The following PTGFRN variants were observed in gnomAD, a reference collection of about 807,000 sequenced individuals.
PTGFRN encodes prostaglandin F2 receptor negative regulator.
Under a neutral mutation model 83.2 loss-of-function variants are expected in PTGFRN, and 35 were observed. That is an observed-to-expected ratio of 0.42 (90% CI 0.32 to 0.56). The LOEUF (loss-of-function observed/expected upper bound fraction) is 0.56. Ranked by LOEUF, PTGFRN falls within the 20% of genes least tolerant of loss-of-function variation. The pLI is 0.11. For synonymous variants in PTGFRN, 519 were observed against 498.6 expected, an observed-to-expected ratio of 1.04 and a Z score of -0.55; for missense variants, 1,051 against 1,179.5, an observed-to-expected ratio of 0.89 and a Z score of 1.60.
intron 5 of PTGFRN, among the ~76,000 whole-genome samples, chr1:116,962,060 C>T (rs1342581791): frequency 6.6e-6 from 1 of 152,188 alleles, no homozygotes; most frequent in Non-Finnish European, 1.5e-5. Flanking sequence ...TCCCACACTT[C>T]TCATAACTGG....
At chr1:116,933,494 A>G (rs1033416055) in intron 1 of PTGFRN, among the ~76,000 whole-genome samples, 3 of 152,302 alleles carry the variant, frequency 2.0e-5, no homozygotes, top group African/African-American at 2.4e-5. Flanking sequence ...TTTATAGTCA[A>G]TATTCAGTAG....
At chr1:116,976,734 G>T (rs550492433) in intron 7 of PTGFRN, among the ~76,000 whole-genome samples, 1 of 152,254 alleles carries the variant, frequency 6.6e-6, no homozygotes, top group East Asian at 1.9e-4. Flanking sequence ...CACTAAACAT[G>T]GAAAGGATCA....
At chr1:116,940,424 CGTATT>C (rs936592240) in intron 1 of PTGFRN, among the ~76,000 whole-genome samples, 5 of 152,142 alleles carry the variant, frequency 3.3e-5, no homozygotes, top group African/African-American at 7.2e-5. Flanking sequence ...AGGATACAGT[CGTATT>C]GGATTAGGGG....
In PTGFRN at chr1:116,987,092, T is replaced by C. The variant is rs1233759306; in HGVS notation, c.*125T>C. 8.7e-7 allele frequency: 1 copy of C among 1,144,224 alleles called. No homozygotes were observed. Among genetic ancestry groups the C allele is most frequent in the East Asian group, 2.4e-5 (1 of 41,036 alleles). 70.9% of individuals were successfully genotyped at this position (1,144,224 alleles called of 1,614,324 possible). A position where few individuals can be genotyped will look rare whatever the true frequency, so the allele number is the denominator to read the frequency against. On this transcript the variant is annotated 3_prime_UTR_variant, in exon 9 of 9. Coordinates refer to ENST00000393203, the MANE Select transcript of PTGFRN (RefSeq NM_020440.4). ...AGTCCTCTCTAATCTCAGGTGGGAC[T>C]TGGCGCTCTCTCTTTTCTGCATGTC...
At chr1:116,943,579 C>G (rs1026444885) in intron 2 of PTGFRN, among the ~76,000 whole-genome samples, 1 of 152,162 alleles carries the variant, frequency 6.6e-6, no homozygotes, top group Non-Finnish European at 1.5e-5. Flanking sequence ...CATGTGTGGT[C>G]CAGGATCTGC....
chr1:116,970,481 A>C (rs1557747307), intron 6 of PTGFRN, among the ~76,000 whole-genome samples: 1 of 151,624 alleles, frequency 6.6e-6, no homozygotes, highest in African/African-American at 2.4e-5. Context: ...TTGTTATTTG[A>C]TCTTTCTTTT....
In PTGFRN at chr1:116,949,393, A is replaced by G. The variant is rs1406662309; in HGVS notation, c.1034A>G (p.His345Arg). ...GATTCCCTGGTGCACAGCTCGCCTC[A>G]TGTTGCTTTGAGTCATGTGGATGCA... ...DRDSLVHSSP[H>R]VALSHVDARS... is the part of the protein sequence containing the mutation. The change falls in exon 4 of 9, where the codon CAT (histidine) becomes CGT (arginine). Residue 345 changes from histidine to arginine, a missense_variant. His to Arg is a conservative substitution (Grantham distance 29). Coordinates refer to ENST00000393203, the MANE Select transcript of PTGFRN (RefSeq NM_020440.4). 3.7e-6 allele frequency: 6 copies of G among 1,614,244 alleles called. No homozygotes were observed. The highest frequency in any genetic ancestry group is 1.1e-5 in the South Asian group (1 of 91,082).
intron 1 of PTGFRN, among the ~76,000 whole-genome samples, chr1:116,915,301 G>C (rs1649377787): frequency 6.6e-6 from 1 of 152,238 alleles, no homozygotes; most frequent in Non-Finnish European, 1.5e-5. Context: ...GCACCTCAGA[G>C]GTGTGGCATC....
chr1:116,987,013 G>A lies in PTGFRN; in HGVS notation c.*46G>A. 2 of 1,606,590 alleles carry A rather than the reference G, an allele frequency of 1.2e-6. No individual in the cohort carries two copies. The highest frequency in any genetic ancestry group is 1.7e-6 in the Non-Finnish European group (2 of 1,174,854). On this transcript the variant is annotated 3_prime_UTR_variant, in exon 9 of 9. Coordinates refer to ENST00000393203, the MANE Select transcript of PTGFRN (RefSeq NM_020440.4). ...ACAGAGGGACGTTCTAGGAGCAATT[G>A]GGGCAAGAAGAGGACAGTGATATTT...
At chr1:116,970,518 A>G (rs1310301486) in intron 6 of PTGFRN, among the ~76,000 whole-genome samples, 2 of 152,198 alleles carry the variant, frequency 1.3e-5, no homozygotes, top group Non-Finnish European at 2.9e-5. Context: ...AAGGGGAGAC[A>G]CAGAGTATTT....
rs778363124 is a variant in PTGFRN, at chr1:116,967,266, C to T, written c.1995C>T (p.Gly665=). The part of the protein sequence containing the change: ...CMVTAWSPVR[G]SLWREAATSL... The stretch of plus-strand genomic sequence containing the variant: ...TGACAGCCTGGTCTCCTGTCAGGGG[C>T]AGCCTTTGGCGAGAAGCAGCAACCA... The change falls in exon 6 of 9, where the codon GGC becomes GGT. Residue 665 remains glycine (G), a synonymous_variant. Coordinates refer to ENST00000393203, the MANE Select transcript of PTGFRN (RefSeq NM_020440.4). 7 of 1,614,110 alleles carry T rather than the reference C, an allele frequency of 4.3e-6. No homozygotes were observed.
At chr1:116,955,879 TAG>T (rs1348133485) in intron 4 of PTGFRN, among the ~76,000 whole-genome samples, 1 of 152,072 alleles carries the variant, frequency 6.6e-6, no homozygotes, top group East Asian at 1.9e-4. Context: ...ATAAAACCCT[TAG>T]AGAGCAGGGA....
chr1:116,953,168 TC>T (rs1272889895), intron 4 of PTGFRN, among the ~76,000 whole-genome samples: 4 of 152,220 alleles, frequency 2.6e-5, no homozygotes, highest in African/African-American at 9.6e-5. Flanking sequence ...GTTCTGCTGT[TC>T]AGTCTTAAGA....
chr1:116,920,601 C>T (rs1297407451), intron 1 of PTGFRN, among the ~76,000 whole-genome samples: 1 of 152,164 alleles, frequency 6.6e-6, no homozygotes, highest in Non-Finnish European at 1.5e-5. Context: ...CTTTTACACC[C>T]TTCCTGAAGG....
chr1:116,924,769 C>A (rs1053377527), intron 1 of PTGFRN, among the ~76,000 whole-genome samples: 2 of 152,124 alleles, frequency 1.3e-5, no homozygotes, highest in Non-Finnish European at 1.5e-5. Context: ...TTTGTTAAGC[C>A]CCTGGATGAC....
At chr1:116,951,359 G>A (rs960347548) in intron 4 of PTGFRN, among the ~76,000 whole-genome samples, 7 of 152,320 alleles carry the variant, frequency 4.6e-5, no homozygotes, top group Admixed American at 1.3e-4. Context: ...AAAGGATCCC[G>A]TCATTTGTTT....
intron 1 of PTGFRN, among the ~76,000 whole-genome samples, chr1:116,940,398 A>T (rs760325084): frequency 6.6e-6 from 1 of 152,046 alleles, no homozygotes; most frequent in Non-Finnish European, 1.5e-5. Context: ...TGTGTGTCCA[A>T]ATTACCCACT....
intron 4 of PTGFRN, among the ~76,000 whole-genome samples, chr1:116,956,393 C>T (rs1650492728): frequency 6.6e-6 from 1 of 152,242 alleles, no homozygotes; most frequent in African/African-American, 2.4e-5. Flanking sequence ...TAGATGCACA[C>T]ATTGTGCAAG....
intron 1 of PTGFRN, among the ~76,000 whole-genome samples, chr1:116,917,358 C>G (rs1165324299): frequency 6.6e-6 from 1 of 152,036 alleles, no homozygotes; most frequent in Non-Finnish European, 1.5e-5. Flanking sequence ...CTGGGAGACT[C>G]TGGTGGCAAA....
Sources: allele counts gnomAD v4.1 joint callset (sites outside exome capture counted in the v4.1 genomes callset), GRCh38; gene constraint gnomAD v4.1.1; transcripts MANE v1.5; gene names NCBI Gene and HGNC (gene_info 2026-07-23, HGNC 2026-07-21).